The following MAP7 variants were observed in gnomAD, a reference collection of about 807,000 sequenced individuals.
The protein encoded by MAP7 is ensconsin.
Under a neutral mutation model 94.8 loss-of-function variants are expected in MAP7, and 52 were observed. The observed-to-expected ratio is 0.55, with a 90% confidence interval of 0.44 to 0.69. The LOEUF (loss-of-function observed/expected upper bound fraction) is 0.69. Ranked by LOEUF, MAP7 falls within the 30% of genes least tolerant of loss-of-function variation. The pLI is 0.00. For missense variants in MAP7, 940 were observed against 964.6 expected, an observed-to-expected ratio of 0.97 and a Z score of 0.34; for synonymous variants, 350 against 357.0, an observed-to-expected ratio of 0.98 and a Z score of 0.22.
intron 3 of MAP7, among the ~76,000 whole-genome samples, chr6:136,402,868 T>C (rs1582807431): frequency 8.4e-6 from 1 of 119,036 alleles, no homozygotes; most frequent in South Asian, 2.5e-4. Flanking sequence ...ATAGCGCCAC[T>C]GCACTCCGGC....
At chr6:136,373,043 T>C (rs1166878387) in intron 7 of MAP7, among the ~76,000 whole-genome samples, 13 of 152,206 alleles carry the variant, frequency 8.5e-5, no homozygotes, top group Admixed American at 7.9e-4. Context: ...AACCAGACTT[T>C]TCCTAAATTA....
At chr6:136,440,345 G>C (rs1201944624) in intron 1 of MAP7, among the ~76,000 whole-genome samples, 1 of 152,060 alleles carries the variant, frequency 6.6e-6, no homozygotes, top group African/African-American at 2.4e-5. Flanking sequence ...GGAACACAGA[G>C]ACAGGTAAGG....
intron 1 of MAP7, among the ~76,000 whole-genome samples, chr6:136,540,018 T>C (rs1198318851): frequency 6.6e-6 from 1 of 152,068 alleles, no homozygotes; most frequent in Non-Finnish European, 1.5e-5. Flanking sequence ...TTTCAGTGTG[T>C]AGAGCCAGAG....
chr6:136,410,596 TA>T (rs952963305), intron 3 of MAP7, among the ~76,000 whole-genome samples: 42 of 152,126 alleles, frequency 2.8e-4, no homozygotes, highest in African/African-American at 9.9e-4. Flanking sequence ...AATCTATGCC[TA>T]AAAAACCTCA....
At position 136,411,615 on chromosome 6, in the gene MAP7, G is replaced by T. The variant is rs1787483643; in HGVS notation, c.244+5C>A. The T allele has an allele frequency of 1.3e-6, 2 of 1,557,270 alleles. No individual in the cohort carries two copies. Among genetic ancestry groups the T allele is most frequent in the South Asian group, 1.2e-5 (1 of 84,536 alleles). ...TCAGGGCCATGGACACGGGGCCTGG[G>T]GTACCTAGCTGTTTCTCCCGTTCCT... On this transcript the variant is annotated splice_donor_5th_base_variant and intron_variant, in intron 3 of 17. Transcript: ENST00000354570.
chr6:136,433,359 A>G lies in MAP7; in HGVS notation c.68-11560T>C, dbSNP rs554751755. Among the ~76,000 whole-genome samples, 493 of 152,336 alleles carry G rather than the reference A, an allele frequency of 3.2e-3. 3 individuals carry two copies. Among genetic ancestry groups the G allele is most frequent in the African/African-American group, 0.011 (475 of 41,572 alleles). Reference sequence around the variant, plus strand: ...TATTAAATCTTCACTGATGTGTGAGACCACAGTCCTGACTGAGTATTATTT... The same window carrying G: ...TATTAAATCTTCACTGATGTGTGAGGCCACAGTCCTGACTGAGTATTATTT... On this transcript the variant is annotated intron_variant, in intron 1 of 17. Coordinates refer to ENST00000354570, the MANE Select transcript of MAP7 (RefSeq NM_003980.6).
chr6:136,468,994 T>G (rs994997230), intron 1 of MAP7, among the ~76,000 whole-genome samples: 3 of 149,726 alleles, frequency 2.0e-5, no homozygotes, highest in Non-Finnish European at 3.0e-5. Context: ...TTTTTGTTGT[T>G]TTTTTTTTTA....
At chr6:136,451,790 T>C (rs940922081) in intron 1 of MAP7, among the ~76,000 whole-genome samples, 2 of 152,114 alleles carry the variant, frequency 1.3e-5, no homozygotes, top group East Asian at 3.9e-4. Flanking sequence ...TCATGGATGA[T>C]TGAGGGGATC....
chr6:136,412,765 G>C (rs1455197883), intron 2 of MAP7, among the ~76,000 whole-genome samples: 1 of 152,122 alleles, frequency 6.6e-6, no homozygotes, highest in Non-Finnish European at 1.5e-5. Context: ...CAGAGGGCTA[G>C]GTTTACAGGC....
At chr6:136,542,814 A>G (rs901113155) in intron 1 of MAP7, among the ~76,000 whole-genome samples, 6 of 152,220 alleles carry the variant, frequency 3.9e-5, no homozygotes, top group Non-Finnish European at 1.5e-5. Context: ...AGGCTCTGGG[A>G]TCAACACCAC....
At chr6:136,371,889 A>C (rs1028599304) in intron 8 of MAP7, among the ~76,000 whole-genome samples, 1 of 152,254 alleles carries the variant, frequency 6.6e-6, no homozygotes, top group Admixed American at 6.5e-5. Context: ...AATAAGTACA[A>C]ATTATATTTT....
intron 1 of MAP7, among the ~76,000 whole-genome samples, chr6:136,447,895 A>G (rs559422595): frequency 1.3e-5 from 2 of 152,354 alleles, no homozygotes; most frequent in Non-Finnish European, 2.9e-5. Context: ...AAACAGCTTC[A>G]AAATTTAAAA....
chr6:136,424,552 A>G (rs1227541090), intron 1 of MAP7, among the ~76,000 whole-genome samples: 1 of 152,204 alleles, frequency 6.6e-6, no homozygotes, highest in African/African-American at 2.4e-5. Flanking sequence ...GAGGCATCAG[A>G]CATTTGGAGC....
At chr6:136,399,365 G>C (rs947207634) in intron 3 of MAP7, among the ~76,000 whole-genome samples, 1 of 152,072 alleles carries the variant, frequency 6.6e-6, no homozygotes, top group Non-Finnish European at 1.5e-5. Flanking sequence ...TTTTTGGTGA[G>C]ACAGGGTTTT....
At chr6:136,466,886 C>A in intron 1 of MAP7, 1 of 1,521,002 alleles carries the variant, frequency 6.6e-7, no homozygotes. Flanking sequence ...AGTGAAGGGG[C>A]CGTTTAATCA....
At chr6:136,508,311 G>C (rs1388423560) in intron 1 of MAP7, among the ~76,000 whole-genome samples, 1 of 151,966 alleles carries the variant, frequency 6.6e-6, no homozygotes, top group East Asian at 1.9e-4. Context: ...GGGCAACAGA[G>C]TGAGACACTG....
At chr6:136,380,008 T>G (rs1380993563) in intron 6 of MAP7, among the ~76,000 whole-genome samples, 4 of 152,200 alleles carry the variant, frequency 2.6e-5, no homozygotes, top group Non-Finnish European at 4.4e-5. Flanking sequence ...GTTGTTGTTG[T>G]TTTTTGTTTT....
At chr6:136,385,218 C>A (rs1778879416) in intron 5 of MAP7, among the ~76,000 whole-genome samples, 1 of 152,162 alleles carries the variant, frequency 6.6e-6, no homozygotes, top group South Asian at 2.1e-4. Flanking sequence ...TAACATCAGT[C>A]ATTTCTATCT....
intron 5 of MAP7, among the ~76,000 whole-genome samples, chr6:136,384,793 G>T (rs1045867778): frequency 6.6e-6 from 1 of 152,094 alleles, no homozygotes; most frequent in East Asian, 1.9e-4. Context: ...CATAATTTTA[G>T]AATTCTTAAG....
Sources: gnomAD v4.1 joint callset for allele counts (sites outside exome capture counted in the v4.1 genomes callset) on GRCh38, gnomAD v4.1.1 for gene constraint, MANE v1.5 for transcripts, NCBI Gene and HGNC (gene_info 2026-07-23, HGNC 2026-07-21) for gene names.